The following SLC35D4 variants were observed in gnomAD, a reference collection of about 807,000 sequenced individuals.
The protein encoded by SLC35D4 is solute carrier family 35 member D4.
At chr18:23,246,683 A>C in the SLC35D4 span, among the ~76,000 whole-genome samples, 3,637 of 151,284 alleles carry the variant, frequency 0.024, 66 homozygotes, top group Non-Finnish European at 0.039. Flanking sequence ...GAGCCACCGC[A>C]CCCGGCCAGT....
At chr18:23,296,079 A>G in the SLC35D4 span, 1 of 151,966 alleles carries the variant, frequency 6.6e-6, no homozygotes, top group East Asian at 1.9e-4. Flanking sequence ...AACATCACAC[A>G]CCAGGGCCTG....
the SLC35D4 span, among the ~76,000 whole-genome samples, chr18:23,243,433 G>T: frequency 1.3e-5 from 2 of 151,258 alleles, no homozygotes; most frequent in Non-Finnish European, 2.9e-5. Context: ...TGTGCTGTGT[G>T]GGGGAGGGAG....
chr18:23,424,481 A>G, the SLC35D4 span, among the ~76,000 whole-genome samples: 2 of 152,122 alleles, frequency 1.3e-5, no homozygotes, highest in African/African-American at 4.8e-5. Flanking sequence ...TAGATCTTAC[A>G]TTCTATGGGG....
chr18:23,402,959 A>G, the SLC35D4 span, among the ~76,000 whole-genome samples: 1 of 152,214 alleles, frequency 6.6e-6, no homozygotes, highest in Admixed American at 6.5e-5. Flanking sequence ...TACAAAAATT[A>G]GCTGGGTAAA....
At chr18:23,415,947 C>G in the SLC35D4 span, among the ~76,000 whole-genome samples, 2 of 152,140 alleles carry the variant, frequency 1.3e-5, no homozygotes, top group Non-Finnish European at 2.9e-5. Flanking sequence ...GTGGCTCATG[C>G]CTGTAATCCC....
At chr18:23,428,417 G>C in the SLC35D4 span, among the ~76,000 whole-genome samples, 1 of 152,200 alleles carries the variant, frequency 6.6e-6, no homozygotes, top group South Asian at 2.1e-4. Flanking sequence ...CATTCACGTA[G>C]AGGCTGAGTG....
the SLC35D4 span, among the ~76,000 whole-genome samples, chr18:23,402,053 G>A: frequency 6.6e-6 from 1 of 152,138 alleles, no homozygotes; most frequent in African/African-American, 2.4e-5. Flanking sequence ...ATCTCCCTCA[G>A]GGGCAACAGG....
the SLC35D4 span, among the ~76,000 whole-genome samples, chr18:23,267,343 C>T: frequency 1.3e-5 from 2 of 152,118 alleles, no homozygotes; most frequent in African/African-American, 4.8e-5. Context: ...ACTGCCAAGC[C>T]CACGCTCCTC....
the SLC35D4 span, among the ~76,000 whole-genome samples, chr18:23,249,695 C>T: frequency 6.6e-6 from 1 of 152,172 alleles, no homozygotes; most frequent in Non-Finnish European, 1.5e-5. Context: ...GGGTGAGGCT[C>T]AGGGAGGTTG....
chr18:23,274,058 G>A, the SLC35D4 span, among the ~76,000 whole-genome samples: 2 of 151,908 alleles, frequency 1.3e-5, no homozygotes, highest in African/African-American at 2.4e-5. Flanking sequence ...TCAGCCTCCC[G>A]AGTAGCTGGG....
chr18:23,335,148 G>C, the SLC35D4 span, among the ~76,000 whole-genome samples: 1 of 152,140 alleles, frequency 6.6e-6, no homozygotes. Context: ...GGATAGAACA[G>C]GAAAACAAGT....
At chr18:23,408,047 G>C in the SLC35D4 span, among the ~76,000 whole-genome samples, 1 of 151,946 alleles carries the variant, frequency 6.6e-6, no homozygotes, top group Admixed American at 6.6e-5. Flanking sequence ...CACCTGCATG[G>C]CCTGTTCTCC....
At chr18:23,421,006 G>A in the SLC35D4 span, among the ~76,000 whole-genome samples, 1 of 152,054 alleles carries the variant, frequency 6.6e-6, no homozygotes, top group Non-Finnish European at 1.5e-5. Flanking sequence ...CATTTTGGGA[G>A]GTCAAGGCAG....
chr18:23,435,231 C>T, the SLC35D4 span, among the ~76,000 whole-genome samples: 3 of 125,604 alleles, frequency 2.4e-5, no homozygotes, highest in Non-Finnish European at 4.9e-5. Flanking sequence ...TTTCTATGAA[C>T]TAAATGCTAT....
At chr18:23,409,520 T>C in the SLC35D4 span, among the ~76,000 whole-genome samples, 2 of 152,182 alleles carry the variant, frequency 1.3e-5, no homozygotes, top group African/African-American at 4.8e-5. Context: ...TCCACATCCA[T>C]CAATTCAATC....
chr18:23,322,224 G>A, the SLC35D4 span, among the ~76,000 whole-genome samples: 1 of 152,216 alleles, frequency 6.6e-6, no homozygotes, highest in African/African-American at 2.4e-5. Context: ...ATCTCCACGT[G>A]TTGTGGTTTA....
At chr18:23,354,895 G>A in the SLC35D4 span, among the ~76,000 whole-genome samples, 1 of 133,234 alleles carries the variant, frequency 7.5e-6, no homozygotes, top group Non-Finnish European at 1.8e-5. Context: ...CTTTCTCCTT[G>A]CACTTTCAGC....
At chr18:23,310,341 A>G in the SLC35D4 span, 1 of 907,492 alleles carries the variant, frequency 1.1e-6, no homozygotes, top group Non-Finnish European at 1.3e-6. Flanking sequence ...GAGAGGGAAG[A>G]GGTTACCTCC....
At chr18:23,271,138 G>C in the SLC35D4 span, among the ~76,000 whole-genome samples, 1 of 152,166 alleles carries the variant, frequency 6.6e-6, no homozygotes, top group Non-Finnish European at 1.5e-5. Context: ...TCTCATGATA[G>C]TGAATAAGTC....
Sources: gnomAD v4.1 joint callset for allele counts (sites outside exome capture counted in the v4.1 genomes callset) on GRCh38, gnomAD v4.1.1 for gene constraint, MANE v1.5 for transcripts, NCBI Gene and HGNC (gene_info 2026-07-23, HGNC 2026-07-21) for gene names.